Variants in EPS8L1 observed in about 807,000 individuals in gnomAD.
EPS8L1 encodes epidermal growth factor receptor kinase substrate 8-like protein 1.
In EPS8L1, 101 loss-of-function variants were observed where a neutral mutation model predicts 91.7. The ratio of observed to expected loss-of-function variants is 1.10; its 90% CI spans 0.94 to 1.30. The LOEUF (loss-of-function observed/expected upper bound fraction) is 1.30, where lower values mean the gene tolerates loss of function less well. Ranked by LOEUF, EPS8L1 falls within the 50% of genes most tolerant of loss-of-function variation. The pLI is 0.00. For missense variants in EPS8L1, 1,114 were observed against 1,017.0 expected (o/e 1.10, Z -1.30); for synonymous variants, 506 against 445.3 (o/e 1.14, Z -1.72).
chr19:55,079,995 C>A, intron 5 of EPS8L1, 134 bp from the exon 6 acceptor site: 1 of 1,435,028 alleles, frequency 7.0e-7, no homozygotes, highest in Non-Finnish European at 9.2e-7. Flanking sequence ...ATAGCCTCAT[C>A]TATTAAACAG....
In EPS8L1 at chr19:55,083,542, G is replaced by A. The variant is rs757358477; in HGVS notation, c.1356+23G>A. The A allele has an allele frequency of 8.1e-6, 13 of 1,604,840 alleles. No homozygotes were observed. In the South Asian group the frequency reaches 1.4e-4, roughly 18 times the overall value. On this transcript the variant is annotated intron_variant, in intron 13 of 19. Coordinates refer to ENST00000201647, the MANE Select transcript of EPS8L1 (RefSeq NM_133180.3). This position sits in a 1 kb window ranked among gnomAD's most constrained non-coding sequence, Gnocchi z 4.7. ...CAGGTGACCCAAGCGACACAGCAGGGCCGAGGCTGGGAAGTCCGGGGGCGC... is the reference window on the plus strand; with the variant it reads ...CAGGTGACCCAAGCGACACAGCAGGACCGAGGCTGGGAAGTCCGGGGGCGC...
chr19:55,086,887 G>A lies in EPS8L1; in HGVS notation c.1951G>A (p.Gly651Arg). Residue 651 changes from glycine (G) to arginine (R), a missense_variant and splice_region_variant, in exon 18 of 20, where the codon GGG (glycine) becomes AGG (arginine). Transcript: ENST00000201647. ...GCTGCAGGCCAAGGGCTTTAGCTCC[G>A]GGTGAGTGGGGCCGGGGCCCTCTCG... is the stretch of plus-strand genomic sequence containing the variant. Reference protein sequence around the residue: ...AWLQAKGFSSGTVDALGVLTG... With the variant: ...AWLQAKGFSSRTVDALGVLTG... 2 of 1,429,686 alleles carry A rather than the reference G, an allele frequency of 1.4e-6. No homozygotes were observed. Among genetic ancestry groups the A allele is most frequent in the Non-Finnish European group, 9.1e-7 (1 of 1,096,778 alleles). 88.6% of individuals were successfully genotyped at this position (1,429,686 alleles called of 1,614,324 possible).
At chr19:55,084,093 C>A in intron 14 of EPS8L1, 1 of 279,932 alleles carries the variant, frequency 3.6e-6, no homozygotes, top group Non-Finnish European at 6.8e-6. Context: ...AAGTCTGGTG[C>A]TTGGGATCCT....
At chr19:55,077,940 A>C (rs1223895129) in intron 2 of EPS8L1, 148 bp from the exon 3 acceptor site, 1 of 275,916 alleles carries the variant, frequency 3.6e-6, no homozygotes, top group Non-Finnish European at 6.4e-6. Context: ...CTCAATAATA[A>C]TAATAATAAT....
In EPS8L1 at chr19:55,083,991, G is replaced by A; in HGVS notation, c.1385+347G>A. 1.8e-6 allele frequency: 1 copy of A among 553,398 alleles called. No homozygotes were observed. Among genetic ancestry groups the A allele is most frequent in the East Asian group, 3.1e-5 (1 of 31,850 alleles). The allele number at this position is 553,398 out of a possible 1,614,324, so 34.3% of individuals were successfully genotyped here. ...AGTTTGTTTTCCCAGGGCCTGGGAA[G>A]CACCATGCCTGGGCTCCCTAGGAGG... On this transcript the variant is annotated intron_variant, in intron 14 of 19. Transcript: ENST00000201647. The surrounding 1 kb of genome is among the most constrained non-coding windows in gnomAD (Gnocchi z 4.7).
intron 2 of EPS8L1, among the ~76,000 whole-genome samples, chr19:55,076,796 G>A (rs180844137): frequency 1.3e-5 from 2 of 152,376 alleles, no homozygotes; most frequent in East Asian, 3.9e-4. Flanking sequence ...GTGCATTACA[G>A]GACTTAGCTG....
rs771291960 is a variant in EPS8L1, at chr19:55,083,466, G to A, written c.1303G>A (p.Ala435Thr). Reference protein sequence around the residue: ...EPPVTDPQSRAWEDPVEKQLQ... With the variant: ...EPPVTDPQSRTWEDPVEKQLQ... ...GCCGGTCACTGACCCGCAGAGCCGC[G>A]CCTGGGAGGACCCAGTTGAGAAACA... Residue 435 changes from alanine (A) to threonine (T), a missense_variant, in exon 13 of 20, where the codon GCC (alanine) becomes ACC (threonine). Ala to Thr is a moderately conservative substitution (Grantham distance 58). Coordinates refer to ENST00000201647, the MANE Select transcript of EPS8L1 (RefSeq NM_133180.3). The surrounding 1 kb of genome is among the most constrained non-coding windows in gnomAD (Gnocchi z 4.7). 1.9e-6 allele frequency: 3 copies of A among 1,612,540 alleles called. No individual in the cohort carries two copies. The highest frequency in any genetic ancestry group is 1.7e-5 in the Admixed American group (1 of 59,960).
rs2076369912 is a variant in EPS8L1 at position 55,087,877 on chromosome 19, G to C, written c.*263G>C. On this transcript the variant is annotated 3_prime_UTR_variant, in exon 20 of 20. Transcript: ENST00000201647. ...CCGAGAGGGTGCAGTGGAGCCCTGA[G>C]CATTGTAATATGCGGCCCAGCCTAT... 2 of 505,842 alleles carry C rather than the reference G, an allele frequency of 4.0e-6. No homozygotes were observed. Among genetic ancestry groups the C allele is most frequent in the Non-Finnish European group, 3.6e-6 (1 of 277,674 alleles). The allele number at this position is 505,842 out of a possible 1,614,324, so 31.3% of individuals were successfully genotyped here.
At chr19:55,086,240 C>T (rs1378567175) in intron 16 of EPS8L1, 48 bp downstream of exon 16, 5 of 1,599,682 alleles carry the variant, frequency 3.1e-6, no homozygotes, top group Non-Finnish European at 4.3e-6. Context: ...AGGCTGGGAC[C>T]AGATCCTGGG....
chr19:55,083,949 A>G lies in EPS8L1; in HGVS notation c.1385+305A>G, dbSNP rs533498977. 3.4e-6 allele frequency: 2 copies of G among 596,218 alleles called. No homozygotes were observed. Among genetic ancestry groups the G allele is most frequent in the Non-Finnish European group, 6.0e-6 (2 of 335,174 alleles). The allele number at this position is 596,218 out of a possible 1,614,324, so 36.9% of individuals were successfully genotyped here. ...GAGAGGTTGGATCCCTGGATCCCCA[A>G]AAGGCTGGAAGAAGCCAGTTTGTTT... On this transcript the variant is annotated intron_variant, in intron 14 of 19. Transcript: ENST00000201647. This position sits in a 1 kb window ranked among gnomAD's most constrained non-coding sequence, Gnocchi z 4.7.
chr19:55,082,247 G>A, intron 10 of EPS8L1, 28 bp from the exon 11 acceptor site: 1 of 1,604,490 alleles, frequency 6.2e-7, no homozygotes, highest in Non-Finnish European at 8.5e-7. Flanking sequence ...CCGCACCCAC[G>A]CCAACCACCT....
chr19:55,087,200 G>C, intron 18 of EPS8L1, 103 bp from the exon 19 acceptor site: 2 of 1,464,846 alleles, frequency 1.4e-6, no homozygotes, highest in Non-Finnish European at 1.8e-6. Context: ...GCTAGAGCTA[G>C]AATGCTGTTC....
chr19:55,076,145 A>T (rs61001933), intron 1 of EPS8L1, among the ~76,000 whole-genome samples: 480 of 26,694 alleles, frequency 0.018, no homozygotes, highest in African/African-American at 0.05. Context: ...TGGGGCCTGG[A>T]CTCCTGGGTC....
Position 55,079,785 on chromosome 19 carries a change from C to G in EPS8L1, c.213C>G (p.Val71=). The G allele has an allele frequency of 6.2e-7, 1 of 1,614,118 alleles. No individual in the cohort carries two copies. The highest frequency in any genetic ancestry group is 1.1e-5 in the South Asian group (1 of 91,088). ...CCGTCATGGATAGCCAGGGCCGAGTCTGGGCACAGGAGATGCTGCTGCGAG... is the reference window on the plus strand; with the variant it reads ...CCGTCATGGATAGCCAGGGCCGAGTGTGGGCACAGGAGATGCTGCTGCGAG... ...KLAVMDSQGR[V]WAQEMLLRVS... is the part of the protein sequence containing the mutation. The change falls in exon 5 of 20, where the codon GTC becomes GTG. Residue 71 remains valine (V), a synonymous_variant. Coordinates refer to ENST00000201647, the MANE Select transcript of EPS8L1 (RefSeq NM_133180.3).
Position 55,083,567 on chromosome 19 carries a change from CG to C in EPS8L1, c.1357-47del. The C allele has an allele frequency of 1.3e-6, 2 of 1,594,942 alleles. No individual in the cohort carries two copies. The highest frequency in any genetic ancestry group is 1.7e-6 in the Non-Finnish European group (2 of 1,170,908). ...GCCGAGGCTGGGAAGTCCGGGGGCG[CG>C]GCCGGTCCGCCTGGCCCCGCCTGAC... On this transcript the variant is annotated intron_variant, in intron 13 of 19. Coordinates refer to ENST00000201647, the MANE Select transcript of EPS8L1 (RefSeq NM_133180.3). This position sits in a 1 kb window ranked among gnomAD's most constrained non-coding sequence, Gnocchi z 4.7.
At chr19:55,076,368 C>T in intron 1 of EPS8L1, 40 bp from the exon 2 acceptor site, 1 of 1,561,690 alleles carries the variant, frequency 6.4e-7, no homozygotes, top group East Asian at 2.3e-5. Context: ...GAATTAGAGG[C>T]TCCTACTGGC....
rs949910509 is a variant in EPS8L1, at chr19:55,077,610, G to C, written c.18-478G>C. On this transcript the variant is annotated intron_variant, in intron 2 of 19. Coordinates refer to ENST00000201647, the MANE Select transcript of EPS8L1 (RefSeq NM_133180.3). The stretch of plus-strand genomic sequence containing the variant: ...TTTTTTTTTTTTTTTTTTTTTTTGA[G>C]ATGGAGTCTCACTCTGCTGCCAGGC... Among the ~76,000 whole-genome samples, 8 of 79,236 alleles carry C rather than the reference G, an allele frequency of 1.0e-4. No individual in the cohort carries two copies. In the Admixed American group the frequency reaches 1.2e-3, roughly 12 times the overall value. 52.0% of individuals were successfully genotyped at this position (79,236 alleles called of 152,430 possible). A position where few individuals can be genotyped will look rare whatever the true frequency, so the allele number is the denominator to read the frequency against.
chr19:55,083,560 G>T lies in EPS8L1; in HGVS notation c.1356+41G>T. 6.3e-7 allele frequency: 1 copy of T among 1,597,986 alleles called. No individual in the cohort carries two copies. The highest frequency in any genetic ancestry group is 2.3e-5 in the East Asian group (1 of 44,268). On this transcript the variant is annotated intron_variant, in intron 13 of 19. Transcript: ENST00000201647. The surrounding 1 kb of genome is among the most constrained non-coding windows in gnomAD (Gnocchi z 4.7). ...CAGCAGGGCCGAGGCTGGGAAGTCC[G>T]GGGGCGCGGCCGGTCCGCCTGGCCC...
Position 55,080,221 on chromosome 19 carries a change from C to G in EPS8L1, c.372C>G (p.Cys124Trp). 1 of 1,539,200 alleles carries G rather than the reference C, an allele frequency of 6.5e-7. No individual in the cohort carries two copies. The highest frequency in any genetic ancestry group is 1.2e-5 in the South Asian group (1 of 83,600). Residue 124 changes from cysteine to tryptophan, a missense_variant, in exon 6 of 20, where the codon TGC (cysteine) becomes TGG (tryptophan). Coordinates refer to ENST00000201647, the MANE Select transcript of EPS8L1 (RefSeq NM_133180.3). ...GCCGCTCGTTGCTGCTGCTCGTGTG[C>G]CAGGAACCCGAGCGCGCGCAGCCCG... is the stretch of plus-strand genomic sequence containing the variant. ...GRSRSLLLLVCQEPERAQPDV... is the reference protein window; with the variant it reads ...GRSRSLLLLVWQEPERAQPDV...
Sources: allele counts gnomAD v4.1 joint callset (sites outside exome capture counted in the v4.1 genomes callset), GRCh38; gene constraint gnomAD v4.1.1; non-coding constraint Gnocchi (gnomAD v3.1); transcripts MANE v1.5; gene names NCBI Gene and HGNC (gene_info 2026-07-23, HGNC 2026-07-21).